Variants in UTP20 observed in about 807,000 individuals in gnomAD.
UTP20 encodes the protein UTP20 small subunit processome component, also known as small subunit processome component 20 homolog.
A neutral mutation model predicts 329.5 loss-of-function variants in UTP20; 164 were observed. The observed-to-expected ratio is 0.50, with a 90% confidence interval of 0.44 to 0.57. The LOEUF (loss-of-function observed/expected upper bound fraction) is 0.57, where lower values mean the gene tolerates loss of function less well. UTP20 is among the 20% of genes least tolerant of loss of function. The pLI is 0.00. For missense variants in UTP20, 3,055 were observed against 3,284.2 expected (o/e 0.93, Z 1.71); for synonymous variants, 1,151 against 1,159.3 (o/e 0.99, Z 0.14).
intron 25 of UTP20, among the ~76,000 whole-genome samples, chr12:101,324,664 C>A (rs1378663344): frequency 6.6e-6 from 1 of 152,166 alleles, no homozygotes; most frequent in Non-Finnish European, 1.5e-5. Context: ...TGTTCCAATT[C>A]TGCACTGGTT....
At chr12:101,293,949 C>G (rs1446548753) in intron 11 of UTP20, among the ~76,000 whole-genome samples, 1 of 152,044 alleles carries the variant, frequency 6.6e-6, no homozygotes, top group Non-Finnish European at 1.5e-5. Context: ...GGAAGACAAA[C>G]CAGGTTAAAT....
In UTP20 at chr12:101,286,339, A is replaced by G. The variant is rs1011981049; in HGVS notation, c.345A>G (p.Ala115=). 1.2e-6 allele frequency: 2 copies of G among 1,610,068 alleles called. No individual in the cohort carries two copies. Among genetic ancestry groups the G allele is most frequent in the Non-Finnish European group, 1.7e-6 (2 of 1,178,198 alleles). The change falls in exon 5 of 62, where the codon GCA becomes GCG. Residue 115 remains alanine, a synonymous_variant. Transcript: ENST00000261637. ...AATCCAGTTTGGTTGTACAGTTGGC[A>G]CGAGATCTGCAGATGGATTTCTACC... ...QPLLDLVVQL[A]RDLQMDFYPH...
intron 5 of UTP20, 58 bp downstream of exon 5, chr12:101,286,567 T>C (rs769939261): frequency 2.9e-6 from 4 of 1,391,036 alleles, no homozygotes; most frequent in Non-Finnish European, 2.9e-6. Flanking sequence ...TTCCCTGGCT[T>C]CTTTATGACT....
At chr12:101,312,901 G>T (rs1386720620) in intron 21 of UTP20, among the ~76,000 whole-genome samples, 2 of 152,086 alleles carry the variant, frequency 1.3e-5, no homozygotes, top group African/African-American at 2.4e-5. Context: ...AAAAATTCCG[G>T]GTTACAGTAT....
At position 101,361,381 on chromosome 12, in the gene UTP20, A is replaced by C. The variant is rs558833163; in HGVS notation, c.5692-581A>C. The stretch of plus-strand genomic sequence containing the variant: ...GCTCACTCCTGTAATCGCAGCACTT[A>C]GGGAGGCTGAGGCAGGCAAATCACC... On this transcript the variant is annotated intron_variant, in intron 43 of 61. Coordinates refer to ENST00000261637, the MANE Select transcript of UTP20 (RefSeq NM_014503.3). 3.3e-5 allele frequency among the ~76,000 whole-genome samples: 5 copies of C among 152,004 alleles called. No homozygotes were observed. The South Asian group carries it at 1.0e-3, about 32-fold the overall frequency.
At chr12:101,349,684 A>T (rs1225105920) in intron 38 of UTP20, among the ~76,000 whole-genome samples, 1 of 151,924 alleles carries the variant, frequency 6.6e-6, no homozygotes, top group Non-Finnish European at 1.5e-5. Flanking sequence ...CAAGTGATCC[A>T]CCCACCATGG....
intron 58 of UTP20, 85 bp downstream of exon 58, chr12:101,381,296 C>T: frequency 3.3e-6 from 4 of 1,202,258 alleles, no homozygotes; most frequent in Non-Finnish European, 4.9e-6. Context: ...CTTTGAGAGG[C>T]CGAGGCGGCC....
intron 14 of UTP20, 70 bp from the exon 15 acceptor site, chr12:101,302,378 A>G: frequency 1.1e-6 from 1 of 896,008 alleles, no homozygotes; most frequent in Non-Finnish European, 1.7e-6. Context: ...TATTCAATAA[A>G]TAAGGTGTTT....
At chr12:101,324,627 T>C (rs1868496294) in intron 25 of UTP20, among the ~76,000 whole-genome samples, 1 of 152,178 alleles carries the variant, frequency 6.6e-6, no homozygotes, top group African/African-American at 2.4e-5. Flanking sequence ...TTCAGTTGGC[T>C]TTTGCTGGTT....
chr12:101,333,267 T>G (rs202137878), intron 27 of UTP20, 34 bp from the exon 28 acceptor site: 1 of 1,602,072 alleles, frequency 6.2e-7, no homozygotes, highest in Non-Finnish European at 8.5e-7. Context: ...ATGATACATA[T>G]GTATTTTTTG....
chr12:101,303,664 C>T (rs1042543145), intron 15 of UTP20, among the ~76,000 whole-genome samples: 1 of 152,120 alleles, frequency 6.6e-6, no homozygotes, highest in Admixed American at 6.5e-5. Context: ...AGGCAGTAGA[C>T]CTCCTTAGGT....
At chr12:101,335,669 T>C (rs912221655) in intron 29 of UTP20, among the ~76,000 whole-genome samples, 2 of 152,238 alleles carry the variant, frequency 1.3e-5, no homozygotes, top group Non-Finnish European at 2.9e-5. Context: ...ATAGTCTTGG[T>C]TTTTACAAGA....
chr12:101,368,842 T>C (rs1008776331), intron 48 of UTP20, among the ~76,000 whole-genome samples: 27 of 152,180 alleles, frequency 1.8e-4, no homozygotes, highest in Non-Finnish European at 3.5e-4. Flanking sequence ...AGGTAATCAG[T>C]TGCAGAGCTG....
At chr12:101,336,920 A>G (rs11110754) in intron 29 of UTP20, among the ~76,000 whole-genome samples, 19,076 of 152,270 alleles carry the variant, frequency 0.13, 1,400 homozygotes, top group Middle Eastern at 0.23. Context: ...GTTGCATTGT[A>G]TCTGAATGGG....
chr12:101,304,833 C>G (rs61944205), intron 15 of UTP20, among the ~76,000 whole-genome samples: 2 of 152,134 alleles, frequency 1.3e-5, no homozygotes, highest in Non-Finnish European at 2.9e-5. Context: ...CATCATGTTC[C>G]TCGGGGCTCC....
chr12:101,377,454 C>T (rs1329832434), intron 56 of UTP20, among the ~76,000 whole-genome samples: 2 of 152,102 alleles, frequency 1.3e-5, no homozygotes, highest in African/African-American at 4.8e-5. Context: ...CCTCAGCCTC[C>T]TGAGTAGCTG....
At chr12:101,344,528 G>A in intron 35 of UTP20, 67 bp from the exon 36 acceptor site, 1 of 795,620 alleles carries the variant, frequency 1.3e-6, no homozygotes. Flanking sequence ...TGCTTGCACT[G>A]GGAAGTAATA....
intron 42 of UTP20, 100 bp downstream of exon 42, chr12:101,356,793 G>A: frequency 6.7e-7 from 1 of 1,497,642 alleles, no homozygotes; most frequent in South Asian, 1.3e-5. Context: ...AAAAAGTACT[G>A]TCATAACTTG....
intron 25 of UTP20, among the ~76,000 whole-genome samples, chr12:101,323,845 G>A (rs751767257): frequency 4.9e-4 from 74 of 152,108 alleles, no homozygotes; most frequent in Non-Finnish European, 7.5e-4. Flanking sequence ...AAAAAATCCA[G>A]ACTTTCAGCT....
Sources: allele counts gnomAD v4.1 joint callset (sites outside exome capture counted in the v4.1 genomes callset), GRCh38; gene constraint gnomAD v4.1.1; transcripts MANE v1.5; gene names NCBI Gene and HGNC (gene_info 2026-07-23, HGNC 2026-07-21).